METTL17: variants seen among roughly 807,000 people sequenced by gnomAD.
METTL17 encodes the protein methyltransferase like 17.
METTL17 carries 49 observed loss-of-function variants against 59.4 expected under a neutral mutation model. That is an observed-to-expected ratio of 0.82 (90% confidence interval 0.66 to 1.05). The LOEUF is 1.05. Ranked by LOEUF, METTL17 falls within the 50% of genes least tolerant of loss-of-function variation. METTL17 has a pLI of 0.00. For synonymous variants in METTL17, 208 were observed against 209.2 expected (o/e 0.99, Z 0.05); for missense variants, 555 against 578.4 (o/e 0.96, Z 0.41).
intron 7 of METTL17, 78 bp from the exon 8 acceptor site, chr14:20,994,465 A>G (rs1225409941): frequency 8.2e-7 from 1 of 1,219,018 alleles, no homozygotes; most frequent in African/African-American, 1.5e-5. Flanking sequence ...TCTTGGGGCC[A>G]TGTTTCTTAT....
intron 10 of METTL17, 39 bp from the exon 11 acceptor site, chr14:20,995,861 CT>C (rs1222701928): frequency 6.3e-7 from 1 of 1,575,560 alleles, no homozygotes; most frequent in Non-Finnish European, 8.7e-7. Context: ...AAAATAGACC[CT>C]TGGCCCAGCT....
intron 1 of METTL17, 21 bp downstream of exon 1, chr14:20,990,098 C>G: frequency 6.2e-7 from 1 of 1,612,654 alleles, no homozygotes; most frequent in Non-Finnish European, 8.5e-7. Context: ...ACATTCCCTG[C>G]TGTCGGAGAG....
At chr14:20,993,305 A>C in intron 6 of METTL17, 114 bp downstream of exon 6, 2 of 863,332 alleles carry the variant, frequency 2.3e-6, no homozygotes, top group South Asian at 2.8e-5. Flanking sequence ...CAAGTTGGGA[A>C]TCTATAATGT....
rs756727107 is a variant in METTL17 at position 20,994,919 on chromosome 14, G to T, written c.876+18G>T. The T allele has an allele frequency of 6.3e-7, 1 of 1,585,918 alleles. No homozygotes were observed. The highest frequency in any genetic ancestry group is 8.6e-7 in the Non-Finnish European group (1 of 1,156,946). ...ATTTCCTGGTGAGTTAAAATTCCTTGTTCTCCTTAAGTCTTGAAGCAGCTT... is the reference window on the plus strand; with the variant it reads ...ATTTCCTGGTGAGTTAAAATTCCTTTTTCTCCTTAAGTCTTGAAGCAGCTT... On this transcript the variant is annotated intron_variant, in intron 9 of 13. Transcript: ENST00000339374.
chr14:20,993,128 G>A lies in METTL17; in HGVS notation c.539G>A (p.Arg180Gln), dbSNP rs188874835. The A allele has an allele frequency of 3.9e-5, 63 of 1,614,082 alleles. No homozygotes were observed. The highest frequency in any genetic ancestry group is 1.7e-4 in the African/African-American group (13 of 75,020). The change falls in exon 6 of 14, where the codon CGA (arginine) becomes CAA (glutamine). Residue 180 changes from arginine to glutamine, a missense_variant. Physicochemically the swap from Arg to Gln is conservative, Grantham distance 43. Transcript: ENST00000339374. ...TGTATATTTCTTCAGATCCGGGCTC[G>A]AAATCCAGCATTTCAGCCACAAACT... ...VSRAFHEIRARNPAFQPQTLM... is the reference protein window; with the variant it reads ...VSRAFHEIRAQNPAFQPQTLM...
At position 20,994,088 on chromosome 14, in the gene METTL17, T is replaced by C; in HGVS notation, c.697+25T>C. Reference sequence around the variant, plus strand: ...GGTGAGTGCAAGAGCACTTCCAAAGTTGAGGGAGTTAAGAAAGCAAAGGGG... The same window carrying C: ...GGTGAGTGCAAGAGCACTTCCAAAGCTGAGGGAGTTAAGAAAGCAAAGGGG... On this transcript the variant is annotated intron_variant, in intron 7 of 13. Transcript: ENST00000339374. 3 of 1,573,974 alleles carry C rather than the reference T, an allele frequency of 1.9e-6. No homozygotes were observed. In the South Asian group the frequency reaches 3.3e-5, roughly 18 times the overall value.
chr14:20,993,182 C>G lies in METTL17; in HGVS notation c.593C>G (p.Ser198Cys), dbSNP rs1406337660. The G allele has an allele frequency of 2.5e-6, 4 of 1,614,000 alleles. No homozygotes were observed. In the East Asian group the frequency reaches 6.7e-5, roughly 27 times the overall value. The change falls in exon 6 of 14, where the codon TCT becomes TGT. Residue 198 changes from serine to cysteine, a missense_variant. Ser to Cys is a moderately radical substitution (Grantham distance 112). Coordinates refer to ENST00000339374, the MANE Select transcript of METTL17 (RefSeq NM_022734.3). ...TLMDFGSGTG[S>C]VTWAAHSIWG... The stretch of plus-strand genomic sequence containing the variant: ...ATGGACTTTGGCTCAGGTACTGGTT[C>G]TGTCACCTGGTGAGTAACTTTCTTC...
chr14:20,996,903 A>C lies in METTL17; in HGVS notation c.*13A>C, dbSNP rs749635605. 1 of 1,595,862 alleles carries C rather than the reference A, an allele frequency of 6.3e-7. No individual in the cohort carries two copies. The highest frequency in any genetic ancestry group is 8.6e-7 in the Non-Finnish European group (1 of 1,169,494). On this transcript the variant is annotated 3_prime_UTR_variant, in exon 14 of 14. Coordinates refer to ENST00000339374, the MANE Select transcript of METTL17 (RefSeq NM_022734.3). Reference sequence around the variant, plus strand: ...CTCTGAGAGTTGATGAGGATGTGTAACAAGTATTTTCTTCTATCGTGCCTG... The same window carrying C: ...CTCTGAGAGTTGATGAGGATGTGTACCAAGTATTTTCTTCTATCGTGCCTG...
chr14:20,996,335 A>C (rs757838425), intron 12 of METTL17, 43 bp downstream of exon 12: 7 of 1,581,414 alleles, frequency 4.4e-6, no homozygotes, highest in Non-Finnish European at 6.1e-6. Context: ...AACATCCTGG[A>C]AAAACAGGAA....
rs566480136 is a variant in METTL17, at chr14:20,995,227, C to T, written c.939C>T (p.Val313=). The change falls in exon 10 of 14, where the codon GTC becomes GTT. Residue 313 remains valine (V), a synonymous_variant. Transcript: ENST00000339374. ...HSLLMDARDL[V]LKGKEKSPLD... ...TTCTCATGGATGCCAGGGATCTGGT[C>T]CTTAAGGTAAGGCTTCTTCTTCCCT... The T allele has an allele frequency of 1.2e-5, 19 of 1,613,932 alleles. No individual in the cohort carries two copies. The South Asian group carries it at 2.0e-4, about 17-fold the overall frequency.
chr14:20,992,984 C>A, intron 5 of METTL17, 134 bp from the exon 6 acceptor site: 4 of 755,180 alleles, frequency 5.3e-6, no homozygotes, highest in South Asian at 3.1e-5. Flanking sequence ...ATTCTTATCC[C>A]ATAAGGTATT....
chr14:20,995,818 C>T (rs1880334926), intron 10 of METTL17, 83 bp from the exon 11 acceptor site: 1 of 1,088,450 alleles, frequency 9.2e-7, no homozygotes, highest in Admixed American at 1.7e-5. Context: ...TTAAAGGAGT[C>T]CTCAGTTTAC....
intron 7 of METTL17, 91 bp downstream of exon 7, chr14:20,994,154 A>G: frequency 2.2e-6 from 2 of 899,560 alleles, no homozygotes; most frequent in African/African-American, 1.6e-5. Flanking sequence ...AGAAGAGGGT[A>G]AAAATTAAGA....
chr14:20,990,068 C>G lies in METTL17; in HGVS notation c.66C>G (p.Pro22=), dbSNP rs773575991. The G allele has an allele frequency of 9.3e-6, 15 of 1,613,302 alleles. No individual in the cohort carries two copies. The highest frequency in any genetic ancestry group is 1.3e-5 in the Non-Finnish European group (15 of 1,180,002). The part of the protein sequence containing the change: ...GRWCPGLGVA[P]QARALAALVP... ...GGTGCCCCGGCCTTGGAGTGGCTCC[C>G]CAGGCCCGGGTGAGTGCCTACATTC... is the stretch of plus-strand genomic sequence containing the variant. The change falls in exon 1 of 14, where the codon CCC becomes CCG. Residue 22 remains proline (P), a synonymous_variant. Transcript: ENST00000339374.
chr14:20,990,118 C>G (rs1879946099), intron 1 of METTL17, 41 bp downstream of exon 1: 1 of 1,612,062 alleles, frequency 6.2e-7, no homozygotes, highest in Admixed American at 1.7e-5. Flanking sequence ...GACTCTGGAT[C>G]TGCAGAGACA....
rs1566430586 is a variant in METTL17 at position 20,990,263 on chromosome 14, G to A, written c.109G>A (p.Val37Ile). 6.2e-7 allele frequency: 1 copy of A among 1,614,234 alleles called. No individual in the cohort carries two copies. Among genetic ancestry groups the A allele is most frequent in the Non-Finnish European group, 8.5e-7 (1 of 1,180,034 alleles). ...LAALVPGVTQ[V>I]DNKSGFLQKR... is the part of the protein sequence containing the mutation. ...CGCCTTAGTACCCGGAGTGACCCAG[G>A]TAGATAACAAGTCCGGTTTCCTGCA... Residue 37 changes from valine to isoleucine, a missense_variant, in exon 2 of 14, where the codon GTA becomes ATA. Val to Ile is a conservative substitution (Grantham distance 29). Coordinates refer to ENST00000339374, the MANE Select transcript of METTL17 (RefSeq NM_022734.3).
intron 6 of METTL17, chr14:20,993,577 T>C (rs780753934): frequency 4.4e-5 from 10 of 228,894 alleles, no homozygotes; most frequent in East Asian, 2.3e-4. Flanking sequence ...TGGGTTCAAG[T>C]GATTCTCCTG....
chr14:20,995,327 G>T (rs1880308405), intron 10 of METTL17, 94 bp downstream of exon 10: 2 of 1,130,772 alleles, frequency 1.8e-6, no homozygotes. Flanking sequence ...ATTGACAAGG[G>T]TGGCTCTCAG....
chr14:20,990,735 T>C, intron 3 of METTL17, 137 bp downstream of exon 3: 2 of 1,070,618 alleles, frequency 1.9e-6, no homozygotes, highest in Non-Finnish European at 1.3e-6. Flanking sequence ...GTTGTTACAA[T>C]GATGCCTTAC....
Sources: gnomAD v4.1 joint callset for allele counts on GRCh38, gnomAD v4.1.1 for gene constraint, MANE v1.5 for transcripts, NCBI Gene and HGNC (gene_info 2026-07-23, HGNC 2026-07-21) for gene names.